The following PTPRN2 variants were observed in gnomAD, a reference collection of about 807,000 sequenced individuals.
PTPRN2 encodes the protein protein tyrosine phosphatase receptor type N2.
In PTPRN2, 74 loss-of-function variants were observed where a neutral mutation model predicts 118.8. That is an observed-to-expected ratio of 0.62 (90% confidence interval 0.52 to 0.76). PTPRN2 has a LOEUF of 0.76. Ranked by LOEUF, PTPRN2 falls within the 30% of genes least tolerant of loss-of-function variation. PTPRN2 has a pLI of 0.00. For missense variants in PTPRN2, 1,481 were observed against 1,394.4 expected, an observed-to-expected ratio of 1.06 and a Z score of -0.99; for synonymous variants, 641 against 608.0, an observed-to-expected ratio of 1.05 and a Z score of -0.80.
intron 16 of PTPRN2, among the ~76,000 whole-genome samples, chr7:157,600,371 G>A (rs10949655): frequency 2.6e-5 from 4 of 152,108 alleles, no homozygotes; most frequent in African/African-American, 9.7e-5. Context: ...AAATACTAAG[G>A]CTTAATATGG....
At chr7:158,031,800 C>T (rs2128882562) in intron 11 of PTPRN2, among the ~76,000 whole-genome samples, 1 of 152,314 alleles carries the variant, frequency 6.6e-6, no homozygotes, top group South Asian at 2.1e-4. Context: ...TTTAAATCAT[C>T]GAGTAAAAAA....
At chr7:157,772,556 G>A (rs1197861588) in intron 12 of PTPRN2, among the ~76,000 whole-genome samples, 3 of 152,150 alleles carry the variant, frequency 2.0e-5, no homozygotes, top group Non-Finnish European at 4.4e-5. Flanking sequence ...TCCTGCTCCC[G>A]GAACCGCCTG....
At chr7:158,476,830 A>G (rs543705598) in intron 2 of PTPRN2, among the ~76,000 whole-genome samples, 1 of 152,354 alleles carries the variant, frequency 6.6e-6, no homozygotes, top group East Asian at 1.9e-4. Flanking sequence ...ACTTCTGAGG[A>G]GAGAAAAGTC....
chr7:157,775,484 C>T lies in PTPRN2; in HGVS notation c.1789-92547G>A, dbSNP rs117616460. Reference sequence around the variant, plus strand: ...TCAACCCACAGGGCGGAGGCGGCAGCGTGAGAAGCTTCCTGAATACAGGAC... The same window carrying T: ...TCAACCCACAGGGCGGAGGCGGCAGTGTGAGAAGCTTCCTGAATACAGGAC... On this transcript the variant is annotated intron_variant, in intron 12 of 22. Transcript: ENST00000389418. 7.5e-3 allele frequency among the ~76,000 whole-genome samples: 1,145 copies of T among 152,340 alleles called. 44 individuals are homozygous for T. The South Asian group carries it at 0.087, about 12-fold the overall frequency.
At chr7:157,702,018 G>T (rs1363169260) in intron 12 of PTPRN2, among the ~76,000 whole-genome samples, 1 of 151,230 alleles carries the variant, frequency 6.6e-6, no homozygotes, top group East Asian at 1.9e-4. Flanking sequence ...TAACTGACGC[G>T]GGCTGTGCAT....
chr7:158,192,578 A>G, intron 4 of PTPRN2, 83 bp from the exon 5 acceptor site: 3 of 1,445,692 alleles, frequency 2.1e-6, no homozygotes, highest in South Asian at 2.7e-5. Flanking sequence ...GCCTGGGTGC[A>G]TGCAAGGGGC....
intron 2 of PTPRN2, among the ~76,000 whole-genome samples, chr7:158,372,280 A>ACGCTGGTCCCCGGAGCTGGTCCCCCCAG (rs1810087587): frequency 2.2e-5 from 3 of 138,994 alleles, no homozygotes; most frequent in Non-Finnish European, 4.7e-5. Flanking sequence ...GATCCCCCCA[A>ACGCTGGTCCCCGGAGCTGGTCCCCCCAG]CGCTGGTCCC....
At chr7:157,693,602 C>A (rs1797626600) in intron 12 of PTPRN2, among the ~76,000 whole-genome samples, 1 of 152,042 alleles carries the variant, frequency 6.6e-6, no homozygotes, top group Non-Finnish European at 1.5e-5. Flanking sequence ...CCACCATGGC[C>A]CTGCCCGGCC....
At chr7:158,054,561 C>A (rs2128900274) in intron 11 of PTPRN2, among the ~76,000 whole-genome samples, 1 of 152,374 alleles carries the variant, frequency 6.6e-6, no homozygotes, top group Admixed American at 6.5e-5. Context: ...AGAACACCTT[C>A]AGGTGGCCCA....
At chr7:157,621,996 G>A (rs1225054597) in intron 14 of PTPRN2, among the ~76,000 whole-genome samples, 1 of 152,046 alleles carries the variant, frequency 6.6e-6, no homozygotes, top group East Asian at 1.9e-4. Context: ...ACAAATGGAT[G>A]GAAGCAAATA....
At chr7:158,169,413 T>TGTCA (rs1447691774) in intron 5 of PTPRN2, among the ~76,000 whole-genome samples, 1 of 115,582 alleles carries the variant, frequency 8.7e-6, no homozygotes, top group Non-Finnish European at 1.7e-5. Flanking sequence ...TGGCTGCTTT[T>TGTCA]GTGAGTGTGT....
At chr7:158,329,607 C>G (rs960825981) in intron 2 of PTPRN2, among the ~76,000 whole-genome samples, 1 of 152,208 alleles carries the variant, frequency 6.6e-6, no homozygotes, top group Non-Finnish European at 1.5e-5. Flanking sequence ...CCTTGGCTTC[C>G]AGCCTTCAGA....
At chr7:157,952,846 A>C (rs2128802686) in intron 11 of PTPRN2, among the ~76,000 whole-genome samples, 1 of 152,276 alleles carries the variant, frequency 6.6e-6, no homozygotes, top group Middle Eastern at 3.4e-3. Flanking sequence ...TCAGGTGGAA[A>C]CATTCACAGT....
At chr7:158,518,041 T>A (rs1053970122) in intron 1 of PTPRN2, among the ~76,000 whole-genome samples, 3 of 152,208 alleles carry the variant, frequency 2.0e-5, no homozygotes, top group Non-Finnish European at 4.4e-5. Flanking sequence ...GGCCCAGCTC[T>A]CGCCAACTGC....
chr7:157,942,525 TTC>T (rs2128793300), intron 11 of PTPRN2, among the ~76,000 whole-genome samples: 1 of 152,130 alleles, frequency 6.6e-6, no homozygotes, highest in African/African-American at 2.4e-5. Flanking sequence ...TGCAAATGAG[TTC>T]TTTTTCAGAT....
intron 12 of PTPRN2, among the ~76,000 whole-genome samples, chr7:157,807,034 G>C (rs988258127): frequency 6.6e-6 from 1 of 152,242 alleles, no homozygotes; most frequent in Non-Finnish European, 1.5e-5. Flanking sequence ...TTCTTCCCCA[G>C]ACTGGGCCCT....
rs200415464 is a variant in PTPRN2, at chr7:158,133,730, C to T, written c.1503G>A (p.Leu501=). ...AQEALSDGLQ[L]EVQPSEEEAR... ...CCTCTTCCTCGGAAGGCTGGACCTCCAATTGCAGGCCGTCGCTGAGGGCCT... is the reference window on the plus strand; with the variant it reads ...CCTCTTCCTCGGAAGGCTGGACCTCTAATTGCAGGCCGTCGCTGAGGGCCT... The change falls in exon 9 of 23, where the codon TTG becomes TTA. Residue 501 remains leucine, a synonymous_variant. Transcript: ENST00000389418. 3.1e-6 allele frequency: 5 copies of T among 1,611,998 alleles called. No individual in the cohort carries two copies. The East Asian group carries it at 1.1e-4, about 36-fold the overall frequency.
intron 12 of PTPRN2, among the ~76,000 whole-genome samples, chr7:157,719,143 A>G (rs1253473401): frequency 6.6e-6 from 1 of 152,070 alleles, no homozygotes; most frequent in Non-Finnish European, 1.5e-5. Context: ...GCCTCTCCTG[A>G]GCAGGAAGCC....
At chr7:157,655,075 G>A (rs554232917) in intron 14 of PTPRN2, among the ~76,000 whole-genome samples, 1 of 152,340 alleles carries the variant, frequency 6.6e-6, no homozygotes, top group African/African-American at 2.4e-5. Context: ...TGAACTCCAC[G>A]AGCTGTCTGC....
Sources: allele counts gnomAD v4.1 joint callset (sites outside exome capture counted in the v4.1 genomes callset), GRCh38; gene constraint gnomAD v4.1.1; transcripts MANE v1.5; gene names NCBI Gene and HGNC (gene_info 2026-07-23, HGNC 2026-07-21).